The following SMYD3 variants were observed in gnomAD, a reference collection of about 807,000 sequenced individuals.
The protein encoded by SMYD3 is SET and MYND domain containing 3.
SMYD3 carries 36 observed loss-of-function variants against 57.7 expected under a neutral mutation model. The ratio of observed to expected loss-of-function variants is 0.62; its 90% CI spans 0.48 to 0.82. The LOEUF (loss-of-function observed/expected upper bound fraction) is 0.82, where lower values mean the gene tolerates loss of function less well. SMYD3 is among the 40% of genes least tolerant of loss of function. SMYD3 has a pLI of 0.00. For missense variants in SMYD3, 515 were observed against 538.8 expected (o/e 0.96, Z 0.44); for synonymous variants, 211 against 195.0 (o/e 1.08, Z -0.68).
intron 1 of SMYD3, among the ~76,000 whole-genome samples, chr1:246,374,243 A>G (rs1369876623): frequency 6.6e-6 from 1 of 152,144 alleles, no homozygotes; most frequent in Non-Finnish European, 1.5e-5. Flanking sequence ...AAACAGGTAC[A>G]CTCACTTCTC....
chr1:246,420,025 C>T lies in SMYD3; in HGVS notation c.165-64931G>A, dbSNP rs144469396. ...TCCATCCTGGCTAACACGGTGAAAC[C>T]CCGTCTCTATTAAAAATATAAAAAT... On this transcript the variant is annotated intron_variant, in intron 1 of 11. Transcript: ENST00000490107. Among the ~76,000 whole-genome samples the T allele has an allele frequency of 6.9e-3, 1,046 of 152,202 alleles. 13 individuals carry two copies. Among genetic ancestry groups the T allele is most frequent in the African/African-American group, 0.024 (995 of 41,518 alleles).
intron 10 of SMYD3, among the ~76,000 whole-genome samples, chr1:245,779,781 A>T (rs2046757920): frequency 6.6e-6 from 1 of 152,246 alleles, no homozygotes; most frequent in Admixed American, 6.5e-5. Context: ...TGTTAATAGG[A>T]ATATAAAATG....
chr1:246,254,285 C>A (rs890530462), intron 5 of SMYD3, among the ~76,000 whole-genome samples: 16 of 152,170 alleles, frequency 1.1e-4, no homozygotes, highest in African/African-American at 3.4e-4. Context: ...AAACTTAAAT[C>A]TTTTCCCCAT....
rs561423299 is a variant in SMYD3 at position 246,498,955 on chromosome 1, T to C, written c.164+8099A>G. Among the ~76,000 whole-genome samples the C allele has an allele frequency of 4.6e-5, 7 of 151,428 alleles. No individual in the cohort carries two copies. The South Asian group carries it at 1.3e-3, about 27-fold the overall frequency. ...AAGGGTGCACACCATCCCACCCAGATAATTTTTTGTTTTTTTTTTTAACAA... is the reference window on the plus strand; with the variant it reads ...AAGGGTGCACACCATCCCACCCAGACAATTTTTTGTTTTTTTTTTTAACAA... On this transcript the variant is annotated intron_variant, in intron 1 of 11. Coordinates refer to ENST00000490107, the MANE Select transcript of SMYD3 (RefSeq NM_001167740.2).
At chr1:246,033,444 TC>T (rs1020592624) in intron 5 of SMYD3, among the ~76,000 whole-genome samples, 1 of 152,120 alleles carries the variant, frequency 6.6e-6, no homozygotes, top group Non-Finnish European at 1.5e-5. Flanking sequence ...CGTGAGGAAT[TC>T]TTGTGGTGAT....
chr1:245,979,196 G>C (rs2058533671), intron 5 of SMYD3, among the ~76,000 whole-genome samples: 1 of 152,156 alleles, frequency 6.6e-6, no homozygotes, highest in African/African-American at 2.4e-5. Context: ...AAATGCCCAA[G>C]GAGGGCAATG....
intron 5 of SMYD3, among the ~76,000 whole-genome samples, chr1:246,047,061 G>A (rs2059980659): frequency 6.6e-6 from 1 of 152,136 alleles, no homozygotes; most frequent in Admixed American, 6.5e-5. Context: ...TTCTTAAAAT[G>A]TCATGCTTTC....
chr1:246,378,848 TATATTTATATAGTATATATAAA>T (rs1298865435), intron 1 of SMYD3, among the ~76,000 whole-genome samples: 1 of 111,984 alleles, frequency 8.9e-6, no homozygotes, highest in East Asian at 2.0e-4. Context: ...TTATATATAA[TATATTTATATAGTATATATAAA>T]TATATTATAT....
intron 1 of SMYD3, among the ~76,000 whole-genome samples, chr1:246,415,835 A>AC (rs2067053045): frequency 6.6e-6 from 1 of 152,168 alleles, no homozygotes; most frequent in Non-Finnish European, 1.5e-5. Flanking sequence ...TAGTTTATTT[A>AC]TCTATTGCCA....
At chr1:246,017,050 G>A (rs2059389638) in intron 5 of SMYD3, among the ~76,000 whole-genome samples, 1 of 151,950 alleles carries the variant, frequency 6.6e-6, no homozygotes, top group Non-Finnish European at 1.5e-5. Flanking sequence ...TGTTCCCTGA[G>A]GACAGAATAA....
chr1:246,294,639 C>A (rs904024285), intron 5 of SMYD3, among the ~76,000 whole-genome samples: 1 of 151,924 alleles, frequency 6.6e-6, no homozygotes, highest in African/African-American at 2.4e-5. Context: ...TACTCTGTTG[C>A]CCATGTTGGC....
chr1:245,850,522 C>T (rs763932283), intron 10 of SMYD3, among the ~76,000 whole-genome samples: 7 of 151,866 alleles, frequency 4.6e-5, no homozygotes, highest in Non-Finnish European at 7.4e-5. Flanking sequence ...CAAGACCCTG[C>T]CTCTACAAAA....
At chr1:246,300,913 A>C (rs1316027377) in intron 5 of SMYD3, among the ~76,000 whole-genome samples, 2 of 152,172 alleles carry the variant, frequency 1.3e-5, no homozygotes, top group Non-Finnish European at 2.9e-5. Context: ...AGCAAAATAG[A>C]AACAAGGGAT....
chr1:246,232,991 A>G (rs1572250077), intron 5 of SMYD3, among the ~76,000 whole-genome samples: 1 of 136,570 alleles, frequency 7.3e-6, no homozygotes, highest in Non-Finnish European at 1.6e-5. Flanking sequence ...TACCACGCAG[A>G]GGAGAAGCGC....
At chr1:245,886,254 G>A (rs1003955802) in intron 8 of SMYD3, among the ~76,000 whole-genome samples, 11 of 151,916 alleles carry the variant, frequency 7.2e-5, no homozygotes, top group Non-Finnish European at 1.5e-4. Context: ...CATTATCAAC[G>A]CTTTCATAAT....
At position 245,797,828 on chromosome 1, in the gene SMYD3, C is replaced by CAAAAAAAAAAAAAA. The variant is rs559088835; in HGVS notation, c.1077-33693_1077-33680dup. On this transcript the variant is annotated intron_variant, in intron 10 of 11. Transcript: ENST00000490107. ...TGTCCTCTCAATTGCTTCCGGGTTC[C>CAAAAAAAAAAAAAA]AAAAAAAAAAAAAAAAAAAAGGTGG... 5.8e-3 allele frequency among the ~76,000 whole-genome samples: 637 copies of CAAAAAAAAAAAAAA among 109,334 alleles called. 9 individuals are homozygous for CAAAAAAAAAAAAAA. The highest frequency in any genetic ancestry group is 0.035 in the East Asian group (101 of 2,864). The allele number at this position is 109,334 out of a possible 152,430, so 71.7% of individuals were successfully genotyped here.
intron 5 of SMYD3, among the ~76,000 whole-genome samples, chr1:246,275,924 T>G: frequency 6.6e-6 from 1 of 151,788 alleles, no homozygotes; most frequent in African/African-American, 2.4e-5. Context: ...ATGCCCATGT[T>G]TGAATACTAA....
At chr1:246,455,949 C>T (rs2067694658) in intron 1 of SMYD3, among the ~76,000 whole-genome samples, 1 of 152,188 alleles carries the variant, frequency 6.6e-6, no homozygotes, top group Non-Finnish European at 1.5e-5. Flanking sequence ...GTGAATCAGG[C>T]ACTTAAAGTA....
intron 2 of SMYD3, among the ~76,000 whole-genome samples, chr1:246,339,842 C>T (rs147580779): frequency 3.6e-4 from 55 of 152,322 alleles, no homozygotes; most frequent in African/African-American, 1.3e-3. Flanking sequence ...CTCAGGAGCA[C>T]GCTCCCGTCA....
Sources: allele counts gnomAD v4.1 joint callset (sites outside exome capture counted in the v4.1 genomes callset), GRCh38; gene constraint gnomAD v4.1.1; transcripts MANE v1.5; gene names NCBI Gene and HGNC (gene_info 2026-07-23, HGNC 2026-07-21).